ARHGAP19: variants seen among roughly 807,000 people sequenced by gnomAD.
ARHGAP19 encodes rho GTPase-activating protein 19.
ARHGAP19 carries 48 observed loss-of-function variants against 60.9 expected under a neutral mutation model. The ratio of observed to expected loss-of-function variants is 0.79; its 90% CI spans 0.62 to 1.00. The LOEUF (loss-of-function observed/expected upper bound fraction) is 1.00. ARHGAP19 is among the 50% of genes least tolerant of loss of function. ARHGAP19 has a pLI of 0.00. For synonymous variants in ARHGAP19, 209 were observed against 215.5 expected, an observed-to-expected ratio of 0.97 and a Z score of 0.27; for missense variants, 562 against 597.2, an observed-to-expected ratio of 0.94 and a Z score of 0.61.
At position 97,235,202 on chromosome 10, in the gene ARHGAP19, GC is replaced by G; in HGVS notation, c.1284+14del. 1 of 1,585,644 alleles carries G rather than the reference GC, an allele frequency of 6.3e-7. No homozygotes were observed. Among genetic ancestry groups the G allele is most frequent in the African/African-American group, 1.4e-5 (1 of 74,062 alleles). On this transcript the variant is annotated intron_variant, in intron 9 of 11. Transcript: ENST00000358531. ...CTAAAAATCAATGCTGAAAACGACAGCCCAGCATACCTACCTTAATAAGCCC... is the reference window on the plus strand; with the variant it reads ...CTAAAAATCAATGCTGAAAACGACAGCCAGCATACCTACCTTAATAAGCCC...
chr10:97,251,392 G>GA (rs1842656423), intron 6 of ARHGAP19, among the ~76,000 whole-genome samples: 2 of 40,196 alleles, frequency 5.0e-5, no homozygotes, highest in Non-Finnish European at 1.1e-4. Flanking sequence ...GGAAGGGGAA[G>GA]GGAAGGGGAA....
At chr10:97,258,175 A>T (rs1013176721) in intron 5 of ARHGAP19, among the ~76,000 whole-genome samples, 3 of 152,196 alleles carry the variant, frequency 2.0e-5, no homozygotes, top group African/African-American at 7.2e-5. Context: ...GCCTATGCAT[A>T]GAAAAGGCAA....
chr10:97,251,336 A>G (rs1355954828), intron 6 of ARHGAP19, among the ~76,000 whole-genome samples: 1 of 31,952 alleles, frequency 3.1e-5, no homozygotes, highest in Non-Finnish European at 5.9e-5. Context: ...GGGAAAGGGA[A>G]AGGAAGGGGG....
At chr10:97,268,914 C>T (rs1427793631) in intron 1 of ARHGAP19, among the ~76,000 whole-genome samples, 1 of 152,192 alleles carries the variant, frequency 6.6e-6, no homozygotes, top group Admixed American at 6.5e-5. Flanking sequence ...TATCCATTAA[C>T]AATAAATTCT....
intron 6 of ARHGAP19, among the ~76,000 whole-genome samples, chr10:97,248,345 CA>C (rs1196940699): frequency 6.6e-6 from 1 of 151,726 alleles, no homozygotes; most frequent in Non-Finnish European, 1.5e-5. Flanking sequence ...TCCCAGGAGG[CA>C]GAGGCTGCTG....
At chr10:97,252,765 AAT>A (rs893469220) in intron 6 of ARHGAP19, among the ~76,000 whole-genome samples, 38 of 152,198 alleles carry the variant, frequency 2.5e-4, no homozygotes, top group African/African-American at 7.2e-4. Flanking sequence ...AAAAACTAAA[AAT>A]AGAACTACCA....
intron 1 of ARHGAP19, among the ~76,000 whole-genome samples, chr10:97,273,368 A>G (rs143896594): frequency 0.043 from 6,469 of 150,412 alleles, 206 homozygotes; most frequent in Non-Finnish European, 0.061. Context: ...TCATCATGTT[A>G]GCCAGGCTGG....
intron 2 of ARHGAP19, among the ~76,000 whole-genome samples, 164 bp from the exon 3 acceptor site, chr10:97,265,070 G>A (rs1839535719): frequency 6.6e-6 from 1 of 152,114 alleles, no homozygotes. Flanking sequence ...ACGCGAGCAG[G>A]ACAACTCTCA....
intron 1 of ARHGAP19, among the ~76,000 whole-genome samples, chr10:97,288,719 G>A (rs1843188349): frequency 6.6e-6 from 1 of 150,708 alleles, no homozygotes; most frequent in African/African-American, 2.4e-5. Context: ...ACTAATTATT[G>A]ACCACCTACA....
At position 97,265,870 on chromosome 10, in the gene ARHGAP19, G is replaced by T; in HGVS notation, c.312C>A (p.Leu104=). 6.2e-7 allele frequency: 1 copy of T among 1,614,036 alleles called. No homozygotes were observed. Among genetic ancestry groups the T allele is most frequent in the South Asian group, 1.1e-5 (1 of 91,070 alleles). ...ASGFFRSLMS[L]KRKEKGVIFG... ...AAACACATCTCCTACCCTTTCGCTT[G>T]AGAGACATGAGAGACCGGAAGAATC... Residue 104 remains leucine, a synonymous_variant, in exon 2 of 12, where the codon CTC becomes CTA. Coordinates refer to ENST00000358531, the MANE Select transcript of ARHGAP19 (RefSeq NM_032900.6).
At chr10:97,229,098 CA>C (rs1217398991) in intron 11 of ARHGAP19, 48 bp downstream of exon 11, 1 of 1,497,344 alleles carries the variant, frequency 6.7e-7, no homozygotes, top group African/African-American at 1.4e-5. Flanking sequence ...TGACTAGATG[CA>C]GAAAGGAATT....
chr10:97,239,826 G>A (rs1457206430), intron 8 of ARHGAP19, among the ~76,000 whole-genome samples: 2 of 151,654 alleles, frequency 1.3e-5, no homozygotes, highest in African/African-American at 2.4e-5. Flanking sequence ...TCCTGCCTCA[G>A]CCTCCCGAGT....
Position 97,224,696 on chromosome 10 carries a change from G to C in ARHGAP19, c.*1426C>G, listed in dbSNP as rs1181298430. On this transcript the variant is annotated 3_prime_UTR_variant, in exon 12 of 12. Transcript: ENST00000358531. ...GGCAACTGCTTCCCCATAGTGGCCT[G>C]ACTCGGCTCCAACCCACAGGGTGAG... 1 of 152,238 alleles carries C rather than the reference G, an allele frequency of 6.6e-6. No homozygotes were observed. The highest frequency in any genetic ancestry group is 6.5e-5 in the Admixed American group (1 of 15,274). 9.4% of individuals were successfully genotyped at this position (152,238 alleles called of 1,614,324 possible).
rs1850955329 is a variant in ARHGAP19, at chr10:97,229,136, A to C, written c.1474+11T>G. ...CATTTAGTAAGAACAGAGAGTAAGT[A>C]CAATTAGTACCTTTTTTCCCCTCTT... On this transcript the variant is annotated intron_variant, in intron 11 of 11. Coordinates refer to ENST00000358531, the MANE Select transcript of ARHGAP19 (RefSeq NM_032900.6). The C allele has an allele frequency of 6.2e-7, 1 of 1,608,540 alleles. No individual in the cohort carries two copies. Among genetic ancestry groups the C allele is most frequent in the African/African-American group, 1.3e-5 (1 of 74,802 alleles).
chr10:97,263,723 A>G, intron 3 of ARHGAP19, 94 bp from the exon 4 acceptor site: 1 of 1,287,154 alleles, frequency 7.8e-7, no homozygotes, highest in Non-Finnish European at 1.1e-6. Context: ...TACACTTAAA[A>G]GACCCTTCAC....
In ARHGAP19 at chr10:97,222,842, T is replaced by C. The variant is rs985549038; in HGVS notation, c.*3280A>G. ...GAATGGGGGCCATTAGCCTCAAGCA[T>C]CTGTGTGAGGCCTTGTAGGAAAGGA... On this transcript the variant is annotated 3_prime_UTR_variant, in exon 12 of 12. Transcript: ENST00000358531. The C allele has an allele frequency of 6.6e-6, 1 of 152,180 alleles. No homozygotes were observed. The highest frequency in any genetic ancestry group is 1.5e-5 in the Non-Finnish European group (1 of 68,048). 9.4% of individuals were successfully genotyped at this position (152,180 alleles called of 1,614,324 possible).
intron 2 of ARHGAP19, 21 bp downstream of exon 2, chr10:97,265,839 C>A: frequency 3.7e-6 from 6 of 1,611,556 alleles, no homozygotes; most frequent in Non-Finnish European, 5.1e-6. Context: ...CCTGCCCACC[C>A]TTCACAAACA....
intron 1 of ARHGAP19, among the ~76,000 whole-genome samples, chr10:97,281,723 T>C (rs1372255686): frequency 2.0e-5 from 3 of 152,146 alleles, no homozygotes; most frequent in East Asian, 1.9e-4. Flanking sequence ...CAAAAGATGA[T>C]ACAAGATCAT....
At position 97,246,273 on chromosome 10, in the gene ARHGAP19, T is replaced by C. The variant is rs1842561945; in HGVS notation, c.992A>G (p.Lys331Arg). ...HYLGSRTQAS[K>R]DDLDLIASCH... ...TTAAGAGCAGATTCCTATTCTTACC[T>C]TTGATGCCTGAGTTCTGGATCCCAA... Residue 331 changes from lysine to arginine, a missense_variant and splice_region_variant, in exon 7 of 12, where the codon AAG (lysine) becomes AGG (arginine). Transcript: ENST00000358531. The C allele has an allele frequency of 1.9e-6, 3 of 1,613,154 alleles. No individual in the cohort carries two copies. The highest frequency in any genetic ancestry group is 2.5e-6 in the Non-Finnish European group (3 of 1,179,336).
Sources: gnomAD v4.1 joint callset for allele counts (sites outside exome capture counted in the v4.1 genomes callset) on GRCh38, gnomAD v4.1.1 for gene constraint, MANE v1.5 for transcripts, NCBI Gene and HGNC (gene_info 2026-07-23, HGNC 2026-07-21) for gene names.